TAFA2: variants seen among roughly 807,000 people sequenced by gnomAD.
TAFA2 encodes the protein chemokine-like protein TAFA-2.
In TAFA2, 7 loss-of-function variants were observed where a neutral mutation model predicts 18.8. The observed-to-expected ratio is 0.37, with a 90% CI of 0.21 to 0.70. TAFA2 has a LOEUF of 0.70. Among genes scored for constraint, TAFA2 ranks in the 30% least tolerant of loss-of-function variants. The probability of loss-of-function intolerance (pLI) is 0.53; values close to 1 mark genes in which losing one functional copy is unlikely to be tolerated. For missense variants in TAFA2, 122 were observed against 158.1 expected (o/e 0.77, Z 1.23); for synonymous variants, 60 against 54.2 (o/e 1.11, Z -0.47).
chr12:62,218,900 T>C (rs1254490111), intron 1 of TAFA2, among the ~76,000 whole-genome samples: 2 of 152,134 alleles, frequency 1.3e-5, no homozygotes, highest in Non-Finnish European at 2.9e-5. Flanking sequence ...ACATAGGAGA[T>C]TCAATAATAT....
At chr12:62,099,133 T>A (rs1381457336) in intron 1 of TAFA2, among the ~76,000 whole-genome samples, 1 of 152,126 alleles carries the variant, frequency 6.6e-6, no homozygotes, top group Non-Finnish European at 1.5e-5. Context: ...TTAGTGGTAA[T>A]GATGATATAA....
At chr12:61,716,594 T>C (rs947600130) in intron 4 of TAFA2, among the ~76,000 whole-genome samples, 1 of 152,198 alleles carries the variant, frequency 6.6e-6, no homozygotes, top group Non-Finnish European at 1.5e-5. Context: ...AAAAAATTCT[T>C]TTCTCCAATA....
rs149736672 is a variant in TAFA2, at chr12:62,240,129, C to A, written c.-130+18634G>T. Reference sequence around the variant, plus strand: ...TGTTATATAATGATAATAATAAAAACAAAACTGGGCCAGGCTCCGTGGCTC... The same window carrying A: ...TGTTATATAATGATAATAATAAAAAAAAAACTGGGCCAGGCTCCGTGGCTC... On this transcript the variant is annotated intron_variant, in intron 1 of 5. Coordinates refer to the TAFA2 transcript ENST00000551619. Among the ~76,000 whole-genome samples, 430 of 151,360 alleles carry A rather than the reference C, an allele frequency of 2.8e-3. 1 individual carries two copies. The highest frequency in any genetic ancestry group is 9.8e-3 in the African/African-American group (407 of 41,320).
intron 2 of TAFA2, among the ~76,000 whole-genome samples, chr12:61,842,653 C>G (rs1334426083): frequency 6.6e-6 from 1 of 151,980 alleles, no homozygotes; most frequent in African/African-American, 2.4e-5. Flanking sequence ...ATGATACTTA[C>G]TCTTTTAAAA....
intron 1 of TAFA2, chr12:61,880,535 A>C: frequency 2.0e-6 from 1 of 503,952 alleles, no homozygotes; most frequent in Non-Finnish European, 4.0e-6. Flanking sequence ...GCAAGAGTCT[A>C]GGATGCAGAA....
intron 1 of TAFA2, among the ~76,000 whole-genome samples, chr12:62,251,891 C>A (rs1369677794): frequency 2.0e-5 from 3 of 152,268 alleles, no homozygotes; most frequent in African/African-American, 4.8e-5. Context: ...GGAATAAATT[C>A]TTTAGTCATG....
chr12:62,022,715 T>C (rs184353175), intron 1 of TAFA2, among the ~76,000 whole-genome samples: 1 of 152,216 alleles, frequency 6.6e-6, no homozygotes, highest in African/African-American at 2.4e-5. Context: ...GCAAATGTAC[T>C]GAACAGCTGT....
chr12:62,147,702 C>T (rs1245885323), intron 1 of TAFA2, among the ~76,000 whole-genome samples: 8 of 131,224 alleles, frequency 6.1e-5, no homozygotes, highest in South Asian at 2.4e-4. Context: ...TGCACTCCAG[C>T]CTGGGCAACA....
chr12:61,980,336 C>A (rs112921930), intron 1 of TAFA2, among the ~76,000 whole-genome samples: 1 of 152,102 alleles, frequency 6.6e-6, no homozygotes. Context: ...TTATGACAAA[C>A]CCACAGCCAA....
chr12:61,763,187 G>A (rs1187023938), intron 2 of TAFA2, among the ~76,000 whole-genome samples: 3 of 151,958 alleles, frequency 2.0e-5, no homozygotes, highest in Admixed American at 1.3e-4. Context: ...ATGATCAGGA[G>A]GAAACAACCA....
intron 1 of TAFA2, among the ~76,000 whole-genome samples, chr12:61,919,049 C>T (rs1305691665): frequency 6.6e-6 from 1 of 152,174 alleles, no homozygotes; most frequent in Non-Finnish European, 1.5e-5. Context: ...ATATAGCATA[C>T]TGCCAACAGT....
intron 1 of TAFA2, among the ~76,000 whole-genome samples, chr12:62,166,651 G>A (rs1006917188): frequency 2.0e-5 from 3 of 151,926 alleles, no homozygotes; most frequent in Non-Finnish European, 4.4e-5. Context: ...AACTACTCTG[G>A]CAATTGCCAG....
intron 1 of TAFA2, among the ~76,000 whole-genome samples, chr12:62,172,023 C>G (rs1259580831): frequency 1.3e-5 from 2 of 152,066 alleles, no homozygotes; most frequent in African/African-American, 4.8e-5. Flanking sequence ...TCTGTATTGT[C>G]TCTTATAAAT....
intron 1 of TAFA2, among the ~76,000 whole-genome samples, chr12:62,256,986 C>A (rs944870843): frequency 6.6e-6 from 1 of 151,556 alleles, no homozygotes; most frequent in Non-Finnish European, 1.5e-5. Flanking sequence ...GGGTCGTGGG[C>A]GGGAATAACT....
chr12:61,906,490 T>C (rs1876360647), intron 1 of TAFA2, among the ~76,000 whole-genome samples: 1 of 152,206 alleles, frequency 6.6e-6, no homozygotes, highest in Admixed American at 6.5e-5. Context: ...CTGTGAGTCC[T>C]TTAAACTTCC....
intron 1 of TAFA2, among the ~76,000 whole-genome samples, chr12:62,124,198 T>G (rs527399074): frequency 1.3e-5 from 2 of 152,060 alleles, no homozygotes; most frequent in South Asian, 4.2e-4. Flanking sequence ...AAAAAAAGCT[T>G]CAAGAGATAA....
intron 1 of TAFA2, among the ~76,000 whole-genome samples, chr12:62,197,815 T>C (rs2062655017): frequency 6.6e-6 from 1 of 152,212 alleles, no homozygotes. Context: ...GTATTTCACA[T>C]TGTAGATATA....
chr12:61,882,046 A>G (rs989494937), intron 1 of TAFA2, among the ~76,000 whole-genome samples: 1 of 152,198 alleles, frequency 6.6e-6, no homozygotes, highest in Non-Finnish European at 1.5e-5. Flanking sequence ...GTGCCATTAT[A>G]TGAAATAACT....
At chr12:62,006,825 C>G (rs1880567654) in intron 1 of TAFA2, among the ~76,000 whole-genome samples, 1 of 152,152 alleles carries the variant, frequency 6.6e-6, no homozygotes, top group Non-Finnish European at 1.5e-5. Flanking sequence ...ATTTTAATAT[C>G]TCCTTGCAAG....
Sources: allele counts gnomAD v4.1 joint callset (sites outside exome capture counted in the v4.1 genomes callset), GRCh38; gene constraint gnomAD v4.1.1; transcripts MANE v1.5; gene names NCBI Gene and HGNC (gene_info 2026-07-23, HGNC 2026-07-21).